IP6K2: variants seen among roughly 807,000 people sequenced by gnomAD.
The protein encoded by IP6K2 is ATP:1D-myo-inositol-hexakisphosphate phosphotransferase.
A neutral mutation model predicts 43.3 loss-of-function variants in IP6K2; 9 were observed. The observed-to-expected ratio is 0.21, with a 90% CI of 0.13 to 0.36. IP6K2 has a LOEUF of 0.36. IP6K2 is among the 10% of genes least tolerant of loss of function. The pLI, the probability that IP6K2 is intolerant of heterozygous loss-of-function variation, is 1.00. For missense variants in IP6K2, 332 were observed against 538.4 expected, an observed-to-expected ratio of 0.62 and a Z score of 3.79; for synonymous variants, 209 against 202.4, an observed-to-expected ratio of 1.03 and a Z score of -0.28.
At chr3:48,694,132 G>T in intron 2 of IP6K2, 1 of 1,526,902 alleles carries the variant, frequency 6.5e-7, no homozygotes, top group Non-Finnish European at 8.8e-7. Flanking sequence ...GGGTGCAGAG[G>T]AGCCGGGGTG....
At chr3:48,701,337 C>T (rs1014021246) in intron 1 of IP6K2, among the ~76,000 whole-genome samples, 9 of 152,064 alleles carry the variant, frequency 5.9e-5, no homozygotes, top group Admixed American at 3.3e-4. Flanking sequence ...GAGGCTGAGG[C>T]GGGCGGATTG....
Position 48,695,340 on chromosome 3 carries a change from G to A in IP6K2, c.-49C>T, listed in dbSNP as rs760736385. The A allele has an allele frequency of 1.3e-5, 21 of 1,570,352 alleles. No individual in the cohort carries two copies. Among genetic ancestry groups the A allele is most frequent in the East Asian group, 6.8e-5 (3 of 43,816 alleles). ...GATGGGGGAGGCAGCGGAGTCCAGC[G>A]GCCAGTACGTCTTCTGTCTGTTGTT... On this transcript the variant is annotated 5_prime_UTR_variant, in exon 2 of 6. Transcript: ENST00000328631. This position sits in a 1 kb window ranked among gnomAD's most constrained non-coding sequence, Gnocchi z 4.6.
intron 1 of IP6K2, among the ~76,000 whole-genome samples, chr3:48,716,728 A>G (rs2081233217): frequency 6.6e-6 from 1 of 152,050 alleles, no homozygotes; most frequent in Non-Finnish European, 1.5e-5. Flanking sequence ...CTCCCTATCC[A>G]AAGATCCGGG....
intron 1 of IP6K2, among the ~76,000 whole-genome samples, chr3:48,714,057 T>C (rs1184622212): frequency 2.0e-5 from 3 of 150,652 alleles, no homozygotes. Context: ...GCGAAGGTTG[T>C]AGTGAGCTGA....
At chr3:48,716,112 T>C (rs1194458016) in intron 1 of IP6K2, among the ~76,000 whole-genome samples, 2 of 152,176 alleles carry the variant, frequency 1.3e-5, no homozygotes, top group African/African-American at 4.8e-5. Context: ...CAACAACCTA[T>C]ATAAATAAGC....
intron 1 of IP6K2, among the ~76,000 whole-genome samples, chr3:48,712,547 A>G (rs1417100915): frequency 6.6e-6 from 1 of 151,612 alleles, no homozygotes; most frequent in Non-Finnish European, 1.5e-5. Flanking sequence ...TGCCCGGCCT[A>G]CAATAAAATT....
chr3:48,716,853 ACCAGGAAAGAT>A lies in IP6K2; in HGVS notation c.-131+293_-131+303del, dbSNP rs1299820332. On this transcript the variant is annotated intron_variant, in intron 1 of 5. Transcript: ENST00000328631. ...CCCAAGACCCGGGGAGATCTCAATG[ACCAGGAAAGAT>A]CCTGCCCTCCCCCAAACCCGGGAGA... Among the ~76,000 whole-genome samples, 4 of 152,020 alleles carry A rather than the reference ACCAGGAAAGAT, an allele frequency of 2.6e-5. 1 individual carries two copies. The highest frequency in any genetic ancestry group is 6.6e-5 in the Admixed American group (1 of 15,266).
intron 2 of IP6K2, chr3:48,693,995 G>A (rs577536244): frequency 1.7e-5 from 23 of 1,392,086 alleles, no homozygotes; most frequent in Non-Finnish European, 1.4e-5. Flanking sequence ...CCTTACAAAC[G>A]ACTGGCTGAA....
chr3:48,709,522 C>T (rs1344304589), intron 1 of IP6K2, among the ~76,000 whole-genome samples: 1 of 152,144 alleles, frequency 6.6e-6, no homozygotes, highest in Non-Finnish European at 1.5e-5. Context: ...AAATGAGATA[C>T]GATTCTGAGA....
intron 1 of IP6K2, among the ~76,000 whole-genome samples, chr3:48,701,853 G>A (rs185249509): frequency 7.2e-5 from 11 of 152,216 alleles, no homozygotes; most frequent in Middle Eastern, 3.4e-3. Context: ...AGCTGAGATC[G>A]CACTACTGTA....
At chr3:48,711,789 C>T (rs1449503701) in intron 1 of IP6K2, among the ~76,000 whole-genome samples, 1 of 152,184 alleles carries the variant, frequency 6.6e-6, no homozygotes, top group East Asian at 1.9e-4. Context: ...TAAAAACATA[C>T]ATTCCTCGGT....
intron 2 of IP6K2, chr3:48,693,895 T>G: frequency 8.1e-7 from 1 of 1,241,936 alleles, no homozygotes; most frequent in Non-Finnish European, 1.0e-6. Context: ...GCTTTTCCCC[T>G]TAAGTCTCTA....
At chr3:48,706,214 A>C (rs2079762728) in intron 1 of IP6K2, among the ~76,000 whole-genome samples, 1 of 152,136 alleles carries the variant, frequency 6.6e-6, no homozygotes. Flanking sequence ...TCTCAAAAAA[A>C]AAGAGGCCAA....
chr3:48,707,323 C>T (rs1575727163), intron 1 of IP6K2, among the ~76,000 whole-genome samples: 1 of 152,208 alleles, frequency 6.6e-6, no homozygotes, highest in East Asian at 1.9e-4. Flanking sequence ...ACCCTTCGTA[C>T]TCAGAGCTTC....
intron 1 of IP6K2, among the ~76,000 whole-genome samples, chr3:48,697,649 A>C (rs1575641562): frequency 6.7e-6 from 1 of 149,830 alleles, no homozygotes; most frequent in African/African-American, 2.5e-5. Context: ...CCAATTTTTA[A>C]TTTTTTCTTA....
In IP6K2 at chr3:48,688,705, C is replaced by T. The variant is rs1257342592; in HGVS notation, c.849G>A (p.Gln283=). 3 of 1,614,200 alleles carry T rather than the reference C, an allele frequency of 1.9e-6. No individual in the cohort carries two copies. Among genetic ancestry groups the T allele is most frequent in the Non-Finnish European group, 2.5e-6 (3 of 1,180,014 alleles). The stretch of plus-strand genomic sequence containing the variant: ...ACTGGAAAAGTGCCTCCTTGAAGCC[C>T]TGCACCGATAGCTTCCGTCCATGGT... ...NKYHGRKLSV[Q]GFKEALFQFF... is the part of the protein sequence containing the mutation. The change falls in exon 6 of 6, where the codon CAG becomes CAA. Residue 283 remains glutamine, a synonymous_variant. Coordinates refer to ENST00000328631, the MANE Select transcript of IP6K2 (RefSeq NM_016291.4). This position sits in a 1 kb window ranked among gnomAD's most constrained non-coding sequence, Gnocchi z 5.1.
chr3:48,691,140 G>A (rs903458245), intron 4 of IP6K2, among the ~76,000 whole-genome samples, 167 bp downstream of exon 4: 1 of 152,128 alleles, frequency 6.6e-6, no homozygotes, highest in Admixed American at 6.5e-5. Context: ...TGCCCTGAGG[G>A]AAGTGATTAT....
chr3:48,716,024 AG>A (rs1317329966), intron 1 of IP6K2, among the ~76,000 whole-genome samples: 1 of 152,198 alleles, frequency 6.6e-6, no homozygotes, highest in Non-Finnish European at 1.5e-5. Context: ...TAGTGGCTAA[AG>A]TTAAAACAAC....
chr3:48,701,308 T>A (rs1450785319), intron 1 of IP6K2, among the ~76,000 whole-genome samples: 1 of 152,166 alleles, frequency 6.6e-6, no homozygotes, highest in Non-Finnish European at 1.5e-5. Context: ...GGCTCATGCC[T>A]ATAGTCCTAG....
Sources: allele counts gnomAD v4.1 joint callset (sites outside exome capture counted in the v4.1 genomes callset), GRCh38; gene constraint gnomAD v4.1.1; non-coding constraint Gnocchi (gnomAD v3.1); transcripts MANE v1.5; gene names NCBI Gene and HGNC (gene_info 2026-07-23, HGNC 2026-07-21).